Variants in PIK3C2G observed in about 807,000 individuals in gnomAD.
PIK3C2G encodes phosphatidylinositol 3-kinase C2 domain-containing subunit gamma.
PIK3C2G carries 168 observed loss-of-function variants against 181.1 expected under a neutral mutation model. That is an observed-to-expected ratio of 0.93 (90% CI 0.82 to 1.05). The LOEUF (loss-of-function observed/expected upper bound fraction) is 1.05. PIK3C2G is among the 50% of genes least tolerant of loss of function. PIK3C2G has a pLI of 0.00. For synonymous variants in PIK3C2G, 573 were observed against 592.2 expected (o/e 0.97, Z 0.47); for missense variants, 1,869 against 1,732.8 (o/e 1.08, Z -1.40).
chr12:18,651,046 A>C (rs1224203847), downstream of PIK3C2G, among the ~76,000 whole-genome samples: 1 of 151,860 alleles, frequency 6.6e-6, no homozygotes, highest in Admixed American at 6.6e-5. Flanking sequence ...CAAGCCTTTA[A>C]AATAACCTAA....
At position 18,360,842 on chromosome 12, in the gene PIK3C2G, T is replaced by TG. The variant is rs1385892149; in HGVS notation, c.1626-1918dup. Among the ~76,000 whole-genome samples, 17 of 152,286 alleles carry TG rather than the reference T, an allele frequency of 1.1e-4. No individual in the cohort carries two copies. The East Asian group carries it at 3.1e-3, about 28-fold the overall frequency. On this transcript the variant is annotated intron_variant, in intron 11 of 32. Coordinates refer to ENST00000538779, the MANE Select transcript of PIK3C2G (RefSeq NM_001288772.2). The stretch of plus-strand genomic sequence containing the variant: ...ATGATTTGATTCTAATATGTCCCTG[T>TG]GGGGTCTTCTTGGGCTTCTTCATAG...
intron 18 of PIK3C2G, among the ~76,000 whole-genome samples, chr12:18,455,074 T>C (rs900419785): frequency 2.6e-5 from 4 of 152,106 alleles, no homozygotes; most frequent in Non-Finnish European, 5.9e-5. Context: ...CTGGCAGCAT[T>C]TAATTCCTTG....
intron 22 of PIK3C2G, among the ~76,000 whole-genome samples, chr12:18,503,060 CT>C (rs1374699770): frequency 2.0e-5 from 3 of 152,142 alleles, no homozygotes; most frequent in Admixed American, 1.3e-4. Flanking sequence ...ATTAAAGCTG[CT>C]TCTGATTAAT....
chr12:18,374,459 A>C (rs1165810170), intron 13 of PIK3C2G, among the ~76,000 whole-genome samples: 1 of 152,166 alleles, frequency 6.6e-6, no homozygotes, highest in Non-Finnish European at 1.5e-5. Context: ...AGTTAGTCCA[A>C]ATACGTCATT....
intron 13 of PIK3C2G, among the ~76,000 whole-genome samples, chr12:18,380,235 C>G (rs561947292): frequency 6.6e-6 from 1 of 152,288 alleles, no homozygotes; most frequent in South Asian, 2.1e-4. Flanking sequence ...CTACTTCTCA[C>G]CCTCCCAAAT....
At chr12:18,677,893 G>C in the PIK3C2G span, among the ~76,000 whole-genome samples, 1 of 152,030 alleles carries the variant, frequency 6.6e-6, no homozygotes, top group Non-Finnish European at 1.5e-5. Flanking sequence ...ATTTATGTGT[G>C]AGCATGTGTA....
At chr12:18,322,933 G>A (rs1397549187) in intron 7 of PIK3C2G, among the ~76,000 whole-genome samples, 1 of 152,158 alleles carries the variant, frequency 6.6e-6, no homozygotes, top group Non-Finnish European at 1.5e-5. Flanking sequence ...GGGGAACAGA[G>A]AGAAAGGGAG....
At chr12:18,610,455 T>C (rs936965445) in intron 31 of PIK3C2G, among the ~76,000 whole-genome samples, 1 of 152,106 alleles carries the variant, frequency 6.6e-6, no homozygotes, top group Non-Finnish European at 1.5e-5. Context: ...TAAATATTTG[T>C]TTGGTGAACA....
At chr12:18,436,841 A>G (rs765547954) in intron 18 of PIK3C2G, among the ~76,000 whole-genome samples, 52 of 152,152 alleles carry the variant, frequency 3.4e-4, no homozygotes, top group Non-Finnish European at 5.4e-4. Context: ...TGTTACATTG[A>G]TCCCGTTCAT....
intron 13 of PIK3C2G, 135 bp downstream of exon 13, chr12:18,371,446 G>C (rs186246799): frequency 2.9e-6 from 2 of 696,932 alleles, no homozygotes; most frequent in East Asian, 3.1e-5. Context: ...AATATAAATC[G>C]TGACTGCTGA....
In PIK3C2G at chr12:18,265,129, G is replaced by A. The variant is rs1343442730; in HGVS notation, c.-79+3552G>A. On this transcript the variant is annotated intron_variant, in intron 1 of 32. Coordinates refer to ENST00000538779, the MANE Select transcript of PIK3C2G (RefSeq NM_001288772.2). ...GCGTGGCTATTTATTCAAACTCCAAGGAGAAAAACCTTCTCCAGAATAATT... is the reference window on the plus strand; with the variant it reads ...GCGTGGCTATTTATTCAAACTCCAAAGAGAAAAACCTTCTCCAGAATAATT... 1.3e-5 allele frequency among the ~76,000 whole-genome samples: 2 copies of A among 152,054 alleles called. 1 individual carries two copies. Among genetic ancestry groups the A allele is most frequent in the Middle Eastern group, 6.3e-3 (2 of 316 alleles).
intron 14 of PIK3C2G, among the ~76,000 whole-genome samples, chr12:18,383,430 A>G (rs1290099691): frequency 2.6e-5 from 4 of 152,192 alleles, no homozygotes; most frequent in Admixed American, 2.0e-4. Context: ...GAGGGAAAGT[A>G]AAGAAATGTA....
intron 8 of PIK3C2G, among the ~76,000 whole-genome samples, chr12:18,329,625 T>C (rs1189113266): frequency 6.6e-6 from 1 of 152,044 alleles, no homozygotes; most frequent in Non-Finnish European, 1.5e-5. Flanking sequence ...TTCATTGTTG[T>C]GTAATAATTC....
chr12:18,437,401 T>C (rs1946506873), intron 18 of PIK3C2G, among the ~76,000 whole-genome samples: 1 of 151,986 alleles, frequency 6.6e-6, no homozygotes. Context: ...TTTAATAACT[T>C]AGAATTCTTG....
chr12:18,633,138 T>G (rs1949422393), intron 31 of PIK3C2G, among the ~76,000 whole-genome samples: 1 of 152,130 alleles, frequency 6.6e-6, no homozygotes, highest in Non-Finnish European at 1.5e-5. Context: ...AGAGGTAAAG[T>G]CCTTGAGTGA....
At chr12:18,699,056 C>T in the PIK3C2G span, among the ~76,000 whole-genome samples, 1 of 152,026 alleles carries the variant, frequency 6.6e-6, no homozygotes, top group African/African-American at 2.4e-5. Flanking sequence ...TTTCTCAGGC[C>T]CCGTTTTACC....
chr12:18,491,288 G>C (rs1374671), intron 19 of PIK3C2G, among the ~76,000 whole-genome samples, 163 bp from the exon 20 acceptor site: 97,268 of 152,032 alleles, frequency 0.64, 31,490 homozygotes, highest in East Asian at 0.89. Flanking sequence ...TTAGCCCACT[G>C]TCTTCTCATG....
At chr12:18,627,827 C>A (rs1949171476) in intron 31 of PIK3C2G, among the ~76,000 whole-genome samples, 1 of 152,062 alleles carries the variant, frequency 6.6e-6, no homozygotes, top group African/African-American at 2.4e-5. Context: ...TTGATAGTTC[C>A]ATCATATTTT....
chr12:18,701,814 CA>C, the PIK3C2G span: 1 of 1,567,266 alleles, frequency 6.4e-7, no homozygotes, highest in East Asian at 2.4e-5. Flanking sequence ...TACACATTTA[CA>C]AGTAAATTTG....
Sources: allele counts gnomAD v4.1 joint callset (sites outside exome capture counted in the v4.1 genomes callset), GRCh38; gene constraint gnomAD v4.1.1; transcripts MANE v1.5; gene names NCBI Gene and HGNC (gene_info 2026-07-23, HGNC 2026-07-21).